Variants in ZMAT5 observed in about 807,000 individuals in gnomAD.
ZMAT5 encodes the protein zinc finger matrin-type protein 5.
ZMAT5 carries 23 observed loss-of-function variants against 28.0 expected under a neutral mutation model. The ratio of observed to expected loss-of-function variants is 0.82; its 90% confidence interval spans 0.59 to 1.16. The LOEUF (loss-of-function observed/expected upper bound fraction) is 1.16. ZMAT5 is among the 50% of genes most tolerant of loss of function. ZMAT5 has a pLI of 0.00. For missense variants in ZMAT5, 173 were observed against 212.7 expected, an observed-to-expected ratio of 0.81 and a Z score of 1.16; for synonymous variants, 76 against 84.1, an observed-to-expected ratio of 0.90 and a Z score of 0.52.
chr22:29,761,348 A>G lies in ZMAT5; in HGVS notation c.-28+5524T>C, dbSNP rs559215123. Among the ~76,000 whole-genome samples the G allele has an allele frequency of 2.0e-5, 3 of 151,498 alleles. No homozygotes were observed. The South Asian group carries it at 6.3e-4, about 32-fold the overall frequency. On this transcript the variant is annotated intron_variant, in intron 1 of 5. Transcript: ENST00000344318. Reference sequence around the variant, plus strand: ...CTGTAATCCCAGCACTTTGGGAGGCAGGAGGATCACTTGAGCCCAGGAGTT... The same window carrying G: ...CTGTAATCCCAGCACTTTGGGAGGCGGGAGGATCACTTGAGCCCAGGAGTT...
At chr22:29,740,221 T>C (rs1377822174) in intron 4 of ZMAT5, among the ~76,000 whole-genome samples, 2 of 152,144 alleles carry the variant, frequency 1.3e-5, no homozygotes, top group African/African-American at 4.8e-5. Flanking sequence ...ATCACCAGGC[T>C]GTGAGACTCC....
At chr22:29,740,878 C>T in intron 3 of ZMAT5, 148 bp from the exon 4 acceptor site, 2 of 690,910 alleles carry the variant, frequency 2.9e-6, no homozygotes, top group South Asian at 1.8e-5. Context: ...AAAATGGAAT[C>T]TCTCCGGCCC....
intron 5 of ZMAT5, 82 bp downstream of exon 5, chr22:29,738,248 T>A: frequency 1.5e-6 from 2 of 1,333,008 alleles, no homozygotes; most frequent in Non-Finnish European, 2.1e-6. Context: ...TTCATGGAGA[T>A]TCCTGAGCCT....
chr22:29,755,302 G>A (rs1022841366), intron 1 of ZMAT5, among the ~76,000 whole-genome samples: 32 of 114,234 alleles, frequency 2.8e-4, no homozygotes, highest in African/African-American at 1.0e-3. Flanking sequence ...CAAAAAAGAA[G>A]AAAGAAAGAA....
chr22:29,758,859 A>G (rs1356468636), intron 1 of ZMAT5: 2 of 152,412 alleles, frequency 1.3e-5, no homozygotes, highest in African/African-American at 4.8e-5. Context: ...ACTAGCCTCT[A>G]AAAAAGAGAA....
chr22:29,763,783 A>C (rs535712615), intron 1 of ZMAT5, among the ~76,000 whole-genome samples: 1 of 152,114 alleles, frequency 6.6e-6, no homozygotes, highest in African/African-American at 2.4e-5. Flanking sequence ...AAAAATCTAT[A>C]AGAAAACCAG....
intron 1 of ZMAT5, among the ~76,000 whole-genome samples, chr22:29,755,550 T>C (rs2068094283): frequency 6.6e-6 from 1 of 152,100 alleles, no homozygotes; most frequent in South Asian, 2.1e-4. Flanking sequence ...TCCCGCTTGC[T>C]TGGCACTTCG....
intron 1 of ZMAT5, among the ~76,000 whole-genome samples, chr22:29,765,332 T>C (rs556024640): frequency 1.8e-4 from 27 of 152,036 alleles, no homozygotes; most frequent in African/African-American, 6.3e-4. Flanking sequence ...GGCATGAGAA[T>C]TGCTTGAACA....
intron 3 of ZMAT5, among the ~76,000 whole-genome samples, chr22:29,740,961 C>T (rs559572311): frequency 1.8e-4 from 27 of 152,358 alleles, no homozygotes; most frequent in African/African-American, 6.3e-4. Context: ...AGCTGCCCCC[C>T]ATGCTGGGGA....
At chr22:29,732,212 G>A (rs1384844041) in intron 5 of ZMAT5, among the ~76,000 whole-genome samples, 4 of 152,344 alleles carry the variant, frequency 2.6e-5, no homozygotes, top group Admixed American at 6.5e-5. Flanking sequence ...CTCAGGCTTC[G>A]AAGTACTTTG....
chr22:29,733,724 C>T (rs574403948), intron 5 of ZMAT5, among the ~76,000 whole-genome samples: 20 of 152,278 alleles, frequency 1.3e-4, no homozygotes, highest in Non-Finnish European at 2.4e-4. Context: ...TGGGGAGCCC[C>T]TTCCCCTGAG....
At chr22:29,734,239 G>A (rs919451817) in intron 5 of ZMAT5, among the ~76,000 whole-genome samples, 2 of 152,248 alleles carry the variant, frequency 1.3e-5, no homozygotes, top group African/African-American at 2.4e-5. Flanking sequence ...GTCTGCGGAG[G>A]GGGATAAGAG....
intron 4 of ZMAT5, among the ~76,000 whole-genome samples, chr22:29,739,905 G>C (rs930513650): frequency 6.6e-6 from 1 of 152,230 alleles, no homozygotes; most frequent in African/African-American, 2.4e-5. Flanking sequence ...GGCCCGTAGG[G>C]GGATCAGGGC....
chr22:29,738,068 A>C (rs995665147), intron 5 of ZMAT5, among the ~76,000 whole-genome samples: 3 of 151,914 alleles, frequency 2.0e-5, no homozygotes, highest in African/African-American at 7.3e-5. Flanking sequence ...TTGCAGCCAA[A>C]TCAGCTCTGC....
chr22:29,762,976 A>T (rs1045948735), intron 1 of ZMAT5, among the ~76,000 whole-genome samples: 2 of 152,178 alleles, frequency 1.3e-5, no homozygotes, highest in African/African-American at 4.8e-5. Flanking sequence ...CCTTGTGGCC[A>T]GGAGTTAGAG....
chr22:29,738,262 G>T, intron 5 of ZMAT5, 68 bp downstream of exon 5: 2 of 1,426,068 alleles, frequency 1.4e-6, no homozygotes, highest in South Asian at 2.3e-5. Flanking sequence ...TGAGCCTCAG[G>T]AAGGGGAAGG....
chr22:29,742,434 C>A lies in ZMAT5; in HGVS notation c.174G>T (p.Arg58Ser), dbSNP rs201840010. Residue 58 changes from arginine (R) to serine (S), a missense_variant, in exon 3 of 6, where the codon AGG becomes AGT. By Grantham distance (110) the Arg-to-Ser change is moderately radical. Transcript: ENST00000344318. The stretch of plus-strand genomic sequence containing the variant: ...GGACTTTACCTGTCAGTAGAAACTT[C>A]CTGCAGGGCCGCTTGTTCTGCTCAT... ...LLDEQNKRPC[R>S]KFLLTGQCDF... is the part of the protein sequence containing the mutation. The A allele has an allele frequency of 1.0e-4, 168 of 1,613,210 alleles. No homozygotes were observed. The highest frequency in any genetic ancestry group is 1.4e-4 in the Non-Finnish European group (160 of 1,179,924).
chr22:29,735,195 G>GC (rs1802763048), intron 5 of ZMAT5, among the ~76,000 whole-genome samples: 1 of 152,206 alleles, frequency 6.6e-6, no homozygotes, highest in African/African-American at 2.4e-5. Flanking sequence ...AGACCAGCCT[G>GC]CCCGGAGACA....
chr22:29,760,958 T>A (rs1003381292), intron 1 of ZMAT5, among the ~76,000 whole-genome samples: 1 of 152,174 alleles, frequency 6.6e-6, no homozygotes, highest in African/African-American at 2.4e-5. Flanking sequence ...AATTTAGTAA[T>A]AATCTGTATA....
Sources: gnomAD v4.1 joint callset for allele counts (sites outside exome capture counted in the v4.1 genomes callset) on GRCh38, gnomAD v4.1.1 for gene constraint, MANE v1.5 for transcripts, NCBI Gene and HGNC (gene_info 2026-07-23, HGNC 2026-07-21) for gene names.